The following XRCC4 variants were observed in gnomAD, a reference collection of about 807,000 sequenced individuals.
The protein encoded by XRCC4 is DNA repair protein XRCC4.
A neutral mutation model predicts 39.1 loss-of-function variants in XRCC4; 28 were observed. That is an observed-to-expected ratio of 0.72 (90% CI 0.53 to 0.98). XRCC4 has a LOEUF of 0.98. Among genes scored for constraint, XRCC4 ranks in the 50% least tolerant of loss-of-function variants. The pLI is 0.00. For missense variants in XRCC4, 350 were observed against 376.4 expected (o/e 0.93, Z 0.58); for synonymous variants, 123 against 126.4 (o/e 0.97, Z 0.18).
intron 7 of XRCC4, among the ~76,000 whole-genome samples, chr5:83,282,544 CATAAAA>C (rs1300930606): frequency 6.6e-6 from 1 of 151,770 alleles, no homozygotes; most frequent in African/African-American, 2.4e-5. Flanking sequence ...AAAATCCGAT[CATAAAA>C]ATAAAAATTT....
chr5:83,260,500 T>C (rs1294494423), intron 7 of XRCC4, among the ~76,000 whole-genome samples: 3 of 152,002 alleles, frequency 2.0e-5, no homozygotes, highest in South Asian at 2.1e-4. Context: ...GAAGGAAATA[T>C]TGGTTTTATG....
chr5:83,138,576 A>C (rs1748012044), intron 3 of XRCC4, among the ~76,000 whole-genome samples: 1 of 113,526 alleles, frequency 8.8e-6, no homozygotes, highest in African/African-American at 4.1e-5. Context: ...CCTAGCACAC[A>C]ACAAAAACTA....
chr5:83,081,870 T>C (rs1187069527), intron 1 of XRCC4, among the ~76,000 whole-genome samples: 1 of 152,188 alleles, frequency 6.6e-6, no homozygotes, highest in East Asian at 1.9e-4. Flanking sequence ...ATTTAAAAGA[T>C]ATCTTGAACT....
At chr5:83,270,086 G>T (rs1754087348) in intron 7 of XRCC4, among the ~76,000 whole-genome samples, 1 of 152,164 alleles carries the variant, frequency 6.6e-6, no homozygotes, top group Non-Finnish European at 1.5e-5. Flanking sequence ...TTCTCATAAG[G>T]AGCACACAAC....
At chr5:83,371,048 CTCTT>C in the XRCC4 span, among the ~76,000 whole-genome samples, 1 of 152,146 alleles carries the variant, frequency 6.6e-6, no homozygotes, top group East Asian at 1.9e-4. Context: ...CAGTATTCTC[CTCTT>C]TGTCATCCAC....
intron 7 of XRCC4, among the ~76,000 whole-genome samples, chr5:83,324,932 T>C (rs1756198458): frequency 6.6e-6 from 1 of 152,130 alleles, no homozygotes; most frequent in African/African-American, 2.4e-5. Flanking sequence ...TTTACCTCAG[T>C]CTCAGGTGAT....
intron 6 of XRCC4, 144 bp from the exon 7 acceptor site, chr5:83,258,386 T>C (rs1471977779): frequency 1.0e-6 from 1 of 966,554 alleles, no homozygotes; most frequent in Admixed American, 3.1e-5. Context: ...CTGACTTGAT[T>C]CAACAAATCT....
intron 7 of XRCC4, among the ~76,000 whole-genome samples, chr5:83,259,722 A>C (rs1753683725): frequency 6.6e-6 from 1 of 152,116 alleles, no homozygotes. Flanking sequence ...TTATTTTTAA[A>C]TGAATTAATG....
intron 1 of XRCC4, among the ~76,000 whole-genome samples, chr5:83,096,916 G>A (rs1745703893): frequency 6.6e-6 from 1 of 152,108 alleles, no homozygotes; most frequent in African/African-American, 2.4e-5. Context: ...TCATGCAATG[G>A]ATGCATATGA....
chr5:83,300,885 C>T (rs1322693536), intron 7 of XRCC4, among the ~76,000 whole-genome samples: 2 of 152,066 alleles, frequency 1.3e-5, no homozygotes, highest in Non-Finnish European at 2.9e-5. Flanking sequence ...CAGGTTCATC[C>T]ATGTCCCCTG....
chr5:83,154,417 TG>T (rs930549180), intron 3 of XRCC4, among the ~76,000 whole-genome samples: 1 of 152,196 alleles, frequency 6.6e-6, no homozygotes, highest in African/African-American at 2.4e-5. Context: ...ATTTCATTTT[TG>T]GATTCCTGAT....
At chr5:83,239,632 A>G (rs1752825244) in intron 6 of XRCC4, among the ~76,000 whole-genome samples, 1 of 151,496 alleles carries the variant, frequency 6.6e-6, no homozygotes, top group Non-Finnish European at 1.5e-5. Context: ...GATCGAGACC[A>G]TCCTGGCTAA....
At position 83,353,268 on chromosome 5, in the gene XRCC4, C is replaced by A; in HGVS notation, c.*26C>A. 1 of 1,497,616 alleles carries A rather than the reference C, an allele frequency of 6.7e-7. No homozygotes were observed. The allele number at this position is 1,497,616 out of a possible 1,614,324, so 92.8% of individuals were successfully genotyped here. On this transcript the variant is annotated 3_prime_UTR_variant, in exon 8 of 8. Transcript: ENST00000396027. ...CAGTCTCAAAAAATACTTTGATGTT[C>A]ACTAGACTATGTTTTCTATTCATTT... is the stretch of plus-strand genomic sequence containing the variant.
intron 7 of XRCC4, among the ~76,000 whole-genome samples, chr5:83,341,631 G>A (rs777265787): frequency 6.6e-6 from 1 of 151,966 alleles, no homozygotes; most frequent in Non-Finnish European, 1.5e-5. Context: ...ATCCTCTGGA[G>A]TAGAAGTAAG....
At chr5:83,247,423 T>TC (rs1324662300) in intron 6 of XRCC4, among the ~76,000 whole-genome samples, 1 of 151,748 alleles carries the variant, frequency 6.6e-6, no homozygotes, top group Non-Finnish European at 1.5e-5. Context: ...GGCAAAATCA[T>TC]CCCCCCAACC....
chr5:83,346,850 T>C (rs1194713397), intron 7 of XRCC4, among the ~76,000 whole-genome samples: 1 of 152,210 alleles, frequency 6.6e-6, no homozygotes, highest in Non-Finnish European at 1.5e-5. Flanking sequence ...GAGCTGTAAC[T>C]AATGGCTATA....
At chr5:83,155,234 A>G (rs1426803139) in intron 3 of XRCC4, among the ~76,000 whole-genome samples, 1 of 152,182 alleles carries the variant, frequency 6.6e-6, no homozygotes, top group Non-Finnish European at 1.5e-5. Flanking sequence ...TCATGAGTGT[A>G]TATGATTCTT....
chr5:83,363,919 T>C, the XRCC4 span, among the ~76,000 whole-genome samples: 1 of 152,228 alleles, frequency 6.6e-6, no homozygotes, highest in South Asian at 2.1e-4. Context: ...TTCTGGAGTC[T>C]GTAGGTGCAA....
At chr5:83,113,122 GA>G (rs1241163288) in intron 3 of XRCC4, among the ~76,000 whole-genome samples, 1 of 152,172 alleles carries the variant, frequency 6.6e-6, no homozygotes, top group Non-Finnish European at 1.5e-5. Context: ...TTACTTCCCA[GA>G]TACAATGAGG....
Sources: allele counts gnomAD v4.1 joint callset (sites outside exome capture counted in the v4.1 genomes callset), GRCh38; gene constraint gnomAD v4.1.1; transcripts MANE v1.5; gene names NCBI Gene and HGNC (gene_info 2026-07-23, HGNC 2026-07-21).